ZSWIM8: variants seen among roughly 807,000 people sequenced by gnomAD.
ZSWIM8 encodes the protein zinc finger SWIM domain-containing protein 8.
A neutral mutation model predicts 173.7 loss-of-function variants in ZSWIM8; 27 were observed. The observed-to-expected ratio is 0.16, with a 90% CI of 0.11 to 0.21. The LOEUF (loss-of-function observed/expected upper bound fraction) is 0.21, where lower values mean the gene tolerates loss of function less well. ZSWIM8 is among the 10% of genes least tolerant of loss of function. The pLI is 1.00. For missense variants in ZSWIM8, 1,627 were observed against 2,428.8 expected, an observed-to-expected ratio of 0.67 and a Z score of 6.94; for synonymous variants, 958 against 962.0, an observed-to-expected ratio of 1.00 and a Z score of 0.08.
Position 73,800,869 on chromosome 10 carries a change from G to A in ZSWIM8, c.5122+110G>A. The A allele has an allele frequency of 8.5e-7, 1 of 1,175,768 alleles. No homozygotes were observed. The highest frequency in any genetic ancestry group is 1.2e-6 in the Non-Finnish European group (1 of 832,356). The allele number at this position is 1,175,768 out of a possible 1,614,324, so 72.8% of individuals were successfully genotyped here. A position where few individuals can be genotyped will look rare whatever the true frequency, so the allele number is the denominator to read the frequency against. On this transcript the variant is annotated intron_variant, in intron 24 of 25. Transcript: ENST00000604729. This position sits in a 1 kb window ranked among gnomAD's most constrained non-coding sequence, Gnocchi z 4.1. ...TGCTCAGAGTTGAGGCCTTGGTCGG[G>A]TATGTGTGCGTGCGCGGGGGGCGGA... is the stretch of plus-strand genomic sequence containing the variant.
chr10:73,790,061 C>G (rs751296782), intron 6 of ZSWIM8, 24 bp downstream of exon 6: 1 of 1,609,852 alleles, frequency 6.2e-7, no homozygotes, highest in Non-Finnish European at 8.5e-7. Flanking sequence ...GAAAGATTGG[C>G]AGTAGGAAGA....
In ZSWIM8 at chr10:73,796,771, C is replaced by T. The variant is rs571049030; in HGVS notation, c.3034-3C>T. ...TCTGGAGGTCACTGCTTCTGTCTTC[C>T]AGATCTTAGACAAACTCTTGGACCG... On this transcript the variant is annotated splice_polypyrimidine_tract_variant and splice_region_variant and intron_variant, in intron 15 of 25. Coordinates refer to ENST00000604729, the MANE Select transcript of ZSWIM8 (RefSeq NM_001367799.1). The T allele has an allele frequency of 1.4e-5, 22 of 1,612,546 alleles. No homozygotes were observed. The highest frequency in any genetic ancestry group is 4.5e-5 in the East Asian group (2 of 44,880).
chr10:73,798,940 T>A (rs1328812850), intron 20 of ZSWIM8, 62 bp from the exon 21 acceptor site: 1 of 1,546,040 alleles, frequency 6.5e-7, no homozygotes, highest in Non-Finnish European at 8.7e-7. Context: ...TGGAATCTCA[T>A]CTAACACCTT....
rs2083865770 is a variant in ZSWIM8 at position 73,800,092 on chromosome 10, C to T, written c.4747C>T (p.Pro1583Ser). ...ACTTGCTGCCACTGCTGTGTCTTTC[C>T]CCGTTCCTTCCATGGCACCCATCAC... is the stretch of plus-strand genomic sequence containing the variant. ...PSLAATAVSF[P>S]VPSMAPITVH... Residue 1583 changes from proline (P) to serine (S), a missense_variant, in exon 22 of 26, where the codon CCC (proline) becomes TCC (serine). Coordinates refer to ENST00000604729, the MANE Select transcript of ZSWIM8 (RefSeq NM_001367799.1). The surrounding 1 kb of genome is among the most constrained non-coding windows in gnomAD (Gnocchi z 4.1). 2 of 1,613,884 alleles carry T rather than the reference C, an allele frequency of 1.2e-6. No individual in the cohort carries two copies. The highest frequency in any genetic ancestry group is 1.7e-6 in the Non-Finnish European group (2 of 1,179,848).
Position 73,789,091 on chromosome 10 carries a change from C to T in ZSWIM8, c.363-5C>T. On this transcript the variant is annotated splice_polypyrimidine_tract_variant and splice_region_variant and intron_variant, in intron 2 of 25. Transcript: ENST00000604729. This position sits in a 1 kb window ranked among gnomAD's most constrained non-coding sequence, Gnocchi z 6.8. Reference sequence around the variant, plus strand: ...TTGTGGCTGTGTCCTCTTCTTCACCCCCAGGCTGTATTCGTGCCTGGCCAA... The same window carrying T: ...TTGTGGCTGTGTCCTCTTCTTCACCTCCAGGCTGTATTCGTGCCTGGCCAA... The T allele has an allele frequency of 6.2e-7, 1 of 1,613,628 alleles. No individual in the cohort carries two copies. The highest frequency in any genetic ancestry group is 8.5e-7 in the Non-Finnish European group (1 of 1,179,674).
chr10:73,797,685 T>G lies in ZSWIM8; in HGVS notation c.3662+80T>G. On this transcript the variant is annotated intron_variant, in intron 18 of 25. Transcript: ENST00000604729. This position sits in a 1 kb window ranked among gnomAD's most constrained non-coding sequence, Gnocchi z 5.6. Reference sequence around the variant, plus strand: ...CCCCTAGTGCAATCCAACCATTGTCTCCCAGCATCCTCACTTTCCCTGGTC... The same window carrying G: ...CCCCTAGTGCAATCCAACCATTGTCGCCCAGCATCCTCACTTTCCCTGGTC... 1 of 1,567,786 alleles carries G rather than the reference T, an allele frequency of 6.4e-7. No homozygotes were observed. The highest frequency in any genetic ancestry group is 8.7e-7 in the Non-Finnish European group (1 of 1,152,102).
rs1374926853 is a variant in ZSWIM8, at chr10:73,792,340, G to T, written c.1801G>T (p.Gly601Cys). 2 of 1,612,824 alleles carry T rather than the reference G, an allele frequency of 1.2e-6. No homozygotes were observed. Among genetic ancestry groups the T allele is most frequent in the South Asian group, 2.2e-5 (2 of 90,984 alleles). The change falls in exon 10 of 26, where the codon GGC (glycine) becomes TGC (cysteine). Residue 601 changes from glycine (G) to cysteine (C), a missense_variant. Around this residue, in one of 18 missense-constraint regions of ZSWIM8, gnomAD observed 383 missense variants for 394.8 expected, o/e 0.97. Transcript: ENST00000604729. This position sits in a 1 kb window ranked among gnomAD's most constrained non-coding sequence, Gnocchi z 4.3. The stretch of plus-strand genomic sequence containing the variant: ...CAGTGGGAGCAAGGGCTCAGCAGGT[G>T]GCGGAAGCAAGCGACGGCTGAGCAG... ...AGSGSKGSAG[G>C]GSKRRLSSED...
intron 14 of ZSWIM8, 21 bp downstream of exon 14, chr10:73,794,660 C>T (rs181391204): frequency 2.8e-4 from 427 of 1,540,900 alleles, no homozygotes; most frequent in African/African-American, 7.5e-4. Context: ...AGCATATCAA[C>T]GAGCTAAGCC....
In ZSWIM8 at chr10:73,798,077, C is replaced by A. The variant is rs370798198; in HGVS notation, c.3952+7C>A. 13 of 1,612,154 alleles carry A rather than the reference C, an allele frequency of 8.1e-6. No individual in the cohort carries two copies. The highest frequency in any genetic ancestry group is 1.1e-5 in the South Asian group (1 of 90,944). ...CACGTTTCCTGGATTACAGGTAAATCATTTGACCTGACTTGGGTATGGGAG... is the reference window on the plus strand; with the variant it reads ...CACGTTTCCTGGATTACAGGTAAATAATTTGACCTGACTTGGGTATGGGAG... On this transcript the variant is annotated splice_region_variant and intron_variant, in intron 19 of 25. Coordinates refer to ENST00000604729, the MANE Select transcript of ZSWIM8 (RefSeq NM_001367799.1).
In ZSWIM8 at chr10:73,801,547, G is replaced by T. The variant is rs2083963663; in HGVS notation, c.*28G>T. 6.2e-7 allele frequency: 1 copy of T among 1,610,922 alleles called. No individual in the cohort carries two copies. On this transcript the variant is annotated 3_prime_UTR_variant, in exon 26 of 26. Coordinates refer to ENST00000604729, the MANE Select transcript of ZSWIM8 (RefSeq NM_001367799.1). This position sits in a 1 kb window ranked among gnomAD's most constrained non-coding sequence, Gnocchi z 4.9. The stretch of plus-strand genomic sequence containing the variant: ...CTTTCACCCTTAGGGTCCTATACAG[G>T]GACCCAGGCCTGTGGCTATGGGGGC...
chr10:73,795,885 C>T (rs1405979759), intron 15 of ZSWIM8, among the ~76,000 whole-genome samples: 1 of 149,754 alleles, frequency 6.7e-6, no homozygotes, highest in Admixed American at 6.7e-5. Context: ...ATTGCTTGAA[C>T]CCAGTAGGCA....
intron 10 of ZSWIM8, among the ~76,000 whole-genome samples, chr10:73,793,221 T>C (rs953754054): frequency 1.3e-5 from 2 of 152,046 alleles, no homozygotes; most frequent in Non-Finnish European, 2.9e-5. Context: ...TCTGCCATGC[T>C]CTCTCTCTTG....
At position 73,800,764 on chromosome 10, in the gene ZSWIM8, C is replaced by T. The variant is rs1448445217; in HGVS notation, c.5122+5C>T. 6.2e-7 allele frequency: 1 copy of T among 1,610,562 alleles called. No homozygotes were observed. The highest frequency in any genetic ancestry group is 1.3e-5 in the African/African-American group (1 of 74,810). ...TGGGGCTGGCAGCAAAGCTGGGTAA[C>T]ACCTCCCCTCCCTAGGACCATTGCC... On this transcript the variant is annotated splice_donor_5th_base_variant and intron_variant, in intron 24 of 25. Coordinates refer to ENST00000604729, the MANE Select transcript of ZSWIM8 (RefSeq NM_001367799.1). This position sits in a 1 kb window ranked among gnomAD's most constrained non-coding sequence, Gnocchi z 4.1.
At position 73,789,300 on chromosome 10, in the gene ZSWIM8, G is replaced by A. The variant is rs185594110; in HGVS notation, c.458-67G>A. On this transcript the variant is annotated intron_variant, in intron 3 of 25. Coordinates refer to ENST00000604729, the MANE Select transcript of ZSWIM8 (RefSeq NM_001367799.1). The surrounding 1 kb of genome is among the most constrained non-coding windows in gnomAD (Gnocchi z 6.8). Reference sequence around the variant, plus strand: ...AGCATGTTGTCTGAATAACTGCAGGGCCAGGGTCAAGGGCAGAGACCCAGG... The same window carrying A: ...AGCATGTTGTCTGAATAACTGCAGGACCAGGGTCAAGGGCAGAGACCCAGG... 1.9e-6 allele frequency: 3 copies of A among 1,579,328 alleles called. No individual in the cohort carries two copies. The highest frequency in any genetic ancestry group is 2.7e-5 in the African/African-American group (2 of 74,422).
At position 73,799,143 on chromosome 10, in the gene ZSWIM8, C is replaced by T. The variant is rs531778723; in HGVS notation, c.4318C>T (p.Arg1440Cys). 8.1e-6 allele frequency: 13 copies of T among 1,612,916 alleles called. No individual in the cohort carries two copies. Among genetic ancestry groups the T allele is most frequent in the African/African-American group, 4.0e-5 (3 of 74,988 alleles). Residue 1440 changes from arginine (R) to cysteine (C), a missense_variant, in exon 21 of 26, where the codon CGT becomes TGT. By Grantham distance (180) the Arg-to-Cys change is radical. Coordinates refer to ENST00000604729, the MANE Select transcript of ZSWIM8 (RefSeq NM_001367799.1). ...EQTAGGSSTA[R>C]EGATSCSASG... ...AACTGCAGGTGGCTCATCCACAGCC[C>T]GTGAAGGGGCTACAAGCTGTAGTGC...
intron 1 of ZSWIM8, 130 bp downstream of exon 1, chr10:73,786,216 G>A: frequency 9.2e-7 from 1 of 1,089,382 alleles, no homozygotes; most frequent in South Asian, 1.7e-5. Flanking sequence ...AGCTGTCCCC[G>A]GCCGGGAGCT....
At position 73,801,104 on chromosome 10, in the gene ZSWIM8, T is replaced by C. The variant is rs767593437; in HGVS notation, c.5210T>C (p.Leu1737Pro). 6.3e-7 allele frequency: 1 copy of C among 1,576,640 alleles called. No individual in the cohort carries two copies. Among genetic ancestry groups the C allele is most frequent in the Non-Finnish European group, 8.6e-7 (1 of 1,161,960 alleles). The change falls in exon 25 of 26, where the codon CTG (leucine) becomes CCG (proline). Residue 1737 changes from leucine (L) to proline (P), a missense_variant. By Grantham distance (98) the Leu-to-Pro change is moderately conservative. Coordinates refer to ENST00000604729, the MANE Select transcript of ZSWIM8 (RefSeq NM_001367799.1). This position sits in a 1 kb window ranked among gnomAD's most constrained non-coding sequence, Gnocchi z 4.9. The part of the protein sequence containing the change: ...FVLQEIVMET[L>P]QRLSPAHAHN... Reference sequence around the variant, plus strand: ...CTGCAGGAGATCGTCATGGAGACGCTGCAGCGGCTGAGTCCCGCTCATGCC... The same window carrying C: ...CTGCAGGAGATCGTCATGGAGACGCCGCAGCGGCTGAGTCCCGCTCATGCC...
At position 73,801,749 on chromosome 10, in the gene ZSWIM8, T is replaced by C; in HGVS notation, c.*230T>C. The C allele has an allele frequency of 5.3e-6, 8 of 1,514,858 alleles. No individual in the cohort carries two copies. The highest frequency in any genetic ancestry group is 7.0e-6 in the Non-Finnish European group (8 of 1,136,366). The allele number at this position is 1,514,858 out of a possible 1,614,324, so 93.8% of individuals were successfully genotyped here. ...GGAGGGGGCGTTGGGTGGCCTCTGG[T>C]ATTTATTTGGCATTTATAAATATAT... is the stretch of plus-strand genomic sequence containing the variant. On this transcript the variant is annotated 3_prime_UTR_variant, in exon 26 of 26. Transcript: ENST00000604729. This position sits in a 1 kb window ranked among gnomAD's most constrained non-coding sequence, Gnocchi z 4.9.
chr10:73,788,975 A>AC (rs989299038), intron 2 of ZSWIM8, 121 bp from the exon 3 acceptor site: 10 of 357,538 alleles, frequency 2.8e-5, no homozygotes, highest in African/African-American at 4.8e-5. Context: ...CCTCCCCCCC[A>AC]CCCCCCGCCC....
Sources: allele counts gnomAD v4.1 joint callset (sites outside exome capture counted in the v4.1 genomes callset), GRCh38; gene constraint gnomAD v4.1.1; regional missense constraint gnomAD v4.1.1; non-coding constraint Gnocchi (gnomAD v3.1); transcripts MANE v1.5; gene names NCBI Gene and HGNC (gene_info 2026-07-23, HGNC 2026-07-21).